The following RBFOX1 variants were observed in gnomAD, a reference collection of about 807,000 sequenced individuals.
RBFOX1 encodes RNA binding protein fox-1 homolog 1.
A neutral mutation model predicts 57.7 loss-of-function variants in RBFOX1; 8 were observed. The observed-to-expected ratio is 0.14, with a 90% CI of 0.08 to 0.25. The LOEUF is 0.25. Among genes scored for constraint, RBFOX1 ranks in the 10% least tolerant of loss-of-function variants. RBFOX1 has a pLI of 1.00. For missense variants in RBFOX1, 611 were observed against 548.5 expected (o/e 1.11, Z -1.14); for synonymous variants, 326 against 222.4 (o/e 1.47, Z -4.15).
At chr16:7,515,451 CTTAAA>C (rs762954680) in intron 4 of RBFOX1, among the ~76,000 whole-genome samples, 27 of 151,144 alleles carry the variant, frequency 1.8e-4, no homozygotes, top group African/African-American at 4.1e-4. Flanking sequence ...GAGGATAGAT[CTTAAA>C]TTAAATCTCT....
At chr16:6,716,773 T>C (rs2064911783) in intron 3 of RBFOX1, among the ~76,000 whole-genome samples, 1 of 152,198 alleles carries the variant, frequency 6.6e-6, no homozygotes, top group Non-Finnish European at 1.5e-5. Flanking sequence ...GATTTTTTTT[T>C]TCCCTGGGGT....
chr16:7,510,395 C>T (rs2074708020), intron 4 of RBFOX1: 2 of 948,144 alleles, frequency 2.1e-6, no homozygotes, highest in South Asian at 4.9e-5. Context: ...GTGTTAAGTC[C>T]GTGCTGTCGG....
chr16:7,657,485 A>G lies in RBFOX1; in HGVS notation c.890+3538A>G, dbSNP rs541015295. Among the ~76,000 whole-genome samples, 6 of 152,196 alleles carry G rather than the reference A, an allele frequency of 3.9e-5. No homozygotes were observed. The South Asian group carries it at 1.2e-3, about 32-fold the overall frequency. The stretch of plus-strand genomic sequence containing the variant: ...ACACCTGGCTAATTTTTGCATTTTT[A>G]ATAGAGATGGGGTTTCACCATTTTG... On this transcript the variant is annotated intron_variant, in intron 12 of 15. Transcript: ENST00000550418.
chr16:5,892,250 C>T (rs1341388019), intron 4 of RBFOX1, among the ~76,000 whole-genome samples: 1 of 152,120 alleles, frequency 6.6e-6, no homozygotes, highest in African/African-American at 2.4e-5. Flanking sequence ...TGAGAAGAGA[C>T]TTGGCGGGGT....
intron 2 of RBFOX1, among the ~76,000 whole-genome samples, chr16:6,405,087 C>A (rs1011322557): frequency 1.3e-5 from 2 of 152,208 alleles, no homozygotes; most frequent in South Asian, 2.1e-4. Flanking sequence ...GTGAGCCCAA[C>A]ATTCTCATGC....
At chr16:6,906,394 G>A (rs538941900) in intron 3 of RBFOX1, among the ~76,000 whole-genome samples, 1 of 152,066 alleles carries the variant, frequency 6.6e-6, no homozygotes, top group Non-Finnish European at 1.5e-5. Flanking sequence ...AAAAAATACA[G>A]GATAAACAAT....
chr16:6,246,855 G>A (rs2097571958), intron 1 of RBFOX1, among the ~76,000 whole-genome samples: 1 of 152,248 alleles, frequency 6.6e-6, no homozygotes, highest in East Asian at 1.9e-4. Context: ...GATCACCTGA[G>A]GTCAGGAGTT....
intron 2 of RBFOX1, among the ~76,000 whole-genome samples, chr16:6,520,355 A>C (rs185004993): frequency 6.6e-6 from 1 of 152,162 alleles, no homozygotes; most frequent in East Asian, 1.9e-4. Context: ...AGATTTGTCT[A>C]CCTTTCTTAG....
At chr16:5,450,068 G>C (rs540152756) in intron 1 of RBFOX1, among the ~76,000 whole-genome samples, 20 of 152,308 alleles carry the variant, frequency 1.3e-4, no homozygotes, top group African/African-American at 4.3e-4. Context: ...TGACCACTTG[G>C]ATCTGAGAAA....
At chr16:7,510,362 G>C in intron 4 of RBFOX1, 2 of 980,476 alleles carry the variant, frequency 2.0e-6, no homozygotes, top group South Asian at 4.7e-5. Flanking sequence ...ATTGCGATTT[G>C]AATGAAGCTG....
At chr16:6,308,580 G>T (rs1043874973) in intron 1 of RBFOX1, among the ~76,000 whole-genome samples, 12 of 152,172 alleles carry the variant, frequency 7.9e-5, no homozygotes, top group Admixed American at 7.9e-4. Flanking sequence ...TTACCTGGAT[G>T]ACTTAGTCAC....
chr16:5,729,916 G>A (rs902151033), intron 3 of RBFOX1, among the ~76,000 whole-genome samples: 8 of 152,220 alleles, frequency 5.3e-5, no homozygotes, highest in Non-Finnish European at 8.8e-5. Flanking sequence ...GCTCAGGGAA[G>A]CTGCTTCTCT....
At chr16:6,106,393 G>C (rs1310006140) in intron 1 of RBFOX1, among the ~76,000 whole-genome samples, 1 of 150,638 alleles carries the variant, frequency 6.6e-6, no homozygotes, top group African/African-American at 2.4e-5. Flanking sequence ...TTGACCCCTG[G>C]AGTGGGAGGT....
chr16:6,499,527 T>C (rs17140361), intron 2 of RBFOX1, among the ~76,000 whole-genome samples: 4,037 of 152,256 alleles, frequency 0.027, 191 homozygotes, highest in African/African-American at 0.09. Flanking sequence ...TTGATTGGAT[T>C]GGGTGTATTT....
intron 4 of RBFOX1, among the ~76,000 whole-genome samples, chr16:7,473,764 G>T (rs1363209692): frequency 6.6e-6 from 1 of 152,036 alleles, no homozygotes; most frequent in Non-Finnish European, 1.5e-5. Flanking sequence ...TCTTGGCTGT[G>T]TTCATACATG....
At chr16:7,552,702 C>G (rs1011198152) in intron 5 of RBFOX1, among the ~76,000 whole-genome samples, 3 of 151,908 alleles carry the variant, frequency 2.0e-5, no homozygotes, top group African/African-American at 7.3e-5. Flanking sequence ...TCTTTTTTTG[C>G]AATGGAGTGT....
intron 4 of RBFOX1, among the ~76,000 whole-genome samples, chr16:7,182,317 G>T (rs1216347985): frequency 6.6e-6 from 1 of 151,548 alleles, no homozygotes; most frequent in Non-Finnish European, 1.5e-5. Context: ...CTGCCCCCCT[G>T]CAAAAAAAAA....
At chr16:7,448,017 C>G (rs1237822227) in intron 4 of RBFOX1, among the ~76,000 whole-genome samples, 1 of 152,264 alleles carries the variant, frequency 6.6e-6, no homozygotes, top group Middle Eastern at 3.4e-3. Context: ...AAACACCCAC[C>G]CTCCTTTCTT....
intron 4 of RBFOX1, among the ~76,000 whole-genome samples, chr16:7,336,476 A>G (rs561083091): frequency 5.3e-5 from 8 of 152,366 alleles, no homozygotes; most frequent in Admixed American, 2.6e-4. Flanking sequence ...AAATAGAGCC[A>G]TATTCACCTC....
Sources: allele counts gnomAD v4.1 joint callset (sites outside exome capture counted in the v4.1 genomes callset), GRCh38; gene constraint gnomAD v4.1.1; transcripts MANE v1.5; gene names NCBI Gene and HGNC (gene_info 2026-07-23, HGNC 2026-07-21).